The following GABBR2 variants were observed in gnomAD, a reference collection of about 807,000 sequenced individuals.
GABBR2 encodes the protein gamma-aminobutyric acid type B receptor subunit 2.
GABBR2 carries 23 observed loss-of-function variants against 105.6 expected under a neutral mutation model. That is an observed-to-expected ratio of 0.22 (90% CI 0.16 to 0.31). GABBR2 has a LOEUF of 0.31. Ranked by LOEUF, GABBR2 falls within the 10% of genes least tolerant of loss-of-function variation. The probability of loss-of-function intolerance (pLI) is 1.00; values close to 1 mark genes in which losing one functional copy is unlikely to be tolerated. For missense variants in GABBR2, 734 were observed against 1,245.5 expected (o/e 0.59, Z 6.18); for synonymous variants, 478 against 499.7 (o/e 0.96, Z 0.58).
intron 1 of GABBR2, among the ~76,000 whole-genome samples, chr9:98,676,256 C>G (rs902811129): frequency 2.6e-5 from 4 of 152,198 alleles, no homozygotes; most frequent in Non-Finnish European, 4.4e-5. Flanking sequence ...TTGAAAAAAG[C>G]AAGGAAATGA....
intron 11 of GABBR2, chr9:98,375,403 T>C (rs531944731): frequency 6.6e-6 from 1 of 152,310 alleles, no homozygotes; most frequent in South Asian, 2.1e-4. Context: ...GTTTCTGCTC[T>C]GCTGGTCACA....
At position 98,708,703 on chromosome 9, in the gene GABBR2, G is replaced by A. The variant is rs1830937754; in HGVS notation, c.35C>T (p.Pro12Leu). Reference sequence around the variant, plus strand: ...GGGCGGCGGTGGCGGCGGCGGCGGCGGCCCGGGCTGCCCGGAGCTCCGCGG... The same window carrying A: ...GGGCGGCGGTGGCGGCGGCGGCGGCAGCCCGGGCTGCCCGGAGCTCCGCGG... Reference protein sequence around the residue: ...ASPRSSGQPGPPPPPPPPPAR... With the variant: ...ASPRSSGQPGLPPPPPPPPAR... The change falls in exon 1 of 19, where the codon CCG becomes CTG. Residue 12 changes from proline (P) to leucine (L), a missense_variant. This residue lies in a region of GABBR2 where 70 missense variants were observed against 73.4 expected (regional missense o/e 0.95). Transcript: ENST00000259455. The A allele has an allele frequency of 3.0e-6, 3 of 1,008,630 alleles. No individual in the cohort carries two copies. The highest frequency in any genetic ancestry group is 3.5e-6 in the Non-Finnish European group (3 of 848,196). The allele number at this position is 1,008,630 out of a possible 1,614,324, so 62.5% of individuals were successfully genotyped here.
intron 11 of GABBR2, among the ~76,000 whole-genome samples, chr9:98,380,901 G>A (rs1221976128): frequency 6.6e-6 from 1 of 152,200 alleles, no homozygotes; most frequent in African/African-American, 2.4e-5. Context: ...TTCTCACTGT[G>A]TTAAGCTGCT....
intron 6 of GABBR2, among the ~76,000 whole-genome samples, chr9:98,459,999 T>A (rs1348926046): frequency 1.3e-5 from 2 of 152,114 alleles, no homozygotes; most frequent in Non-Finnish European, 2.9e-5. Context: ...AGGAAATAGG[T>A]CCAGATAATT....
chr9:98,304,596 T>G (rs1386517731), intron 15 of GABBR2, among the ~76,000 whole-genome samples: 1 of 152,140 alleles, frequency 6.6e-6, no homozygotes, highest in Non-Finnish European at 1.5e-5. Flanking sequence ...GGTATTCCAG[T>G]GCAGAGCTCA....
chr9:98,606,139 T>C (rs985254122), intron 1 of GABBR2, among the ~76,000 whole-genome samples: 8 of 152,260 alleles, frequency 5.3e-5, no homozygotes, highest in African/African-American at 1.9e-4. Flanking sequence ...TTCCATGGTG[T>C]ATATGTGCCA....
At chr9:98,634,801 C>T (rs184459632) in intron 1 of GABBR2, among the ~76,000 whole-genome samples, 276 of 152,282 alleles carry the variant, frequency 1.8e-3, no homozygotes, top group Non-Finnish European at 3.2e-3. Flanking sequence ...AACAACCTAA[C>T]GAGTGATCCT....
At chr9:98,552,360 AG>A (rs1828505288) in intron 2 of GABBR2, among the ~76,000 whole-genome samples, 1 of 152,164 alleles carries the variant, frequency 6.6e-6, no homozygotes, top group Non-Finnish European at 1.5e-5. Context: ...TAATTAAATG[AG>A]GGAGGTATTT....
At chr9:98,614,023 A>G (rs535517571) in intron 1 of GABBR2, among the ~76,000 whole-genome samples, 1 of 152,384 alleles carries the variant, frequency 6.6e-6, no homozygotes, top group South Asian at 2.1e-4. Flanking sequence ...TACAATTCTC[A>G]TCAGATTCAG....
chr9:98,631,990 C>G (rs532368215), intron 1 of GABBR2, among the ~76,000 whole-genome samples: 11 of 152,338 alleles, frequency 7.2e-5, no homozygotes, highest in Admixed American at 6.5e-4. Context: ...AGCAAATACT[C>G]AGCACTTTCA....
intron 1 of GABBR2, among the ~76,000 whole-genome samples, chr9:98,596,960 C>T (rs570404365): frequency 1.3e-5 from 2 of 152,230 alleles, no homozygotes; most frequent in South Asian, 2.1e-4. Context: ...GCGACTACCT[C>T]GAAGCTTTGC....
Position 98,596,591 on chromosome 9 carries a change from C to G in GABBR2, c.322-18519G>C, listed in dbSNP as rs571890068. Among the ~76,000 whole-genome samples the G allele has an allele frequency of 1.7e-3, 266 of 152,318 alleles. 1 individual carries two copies. Among genetic ancestry groups the G allele is most frequent in the Non-Finnish European group, 2.9e-3 (199 of 68,018 alleles). On this transcript the variant is annotated intron_variant, in intron 1 of 18. Transcript: ENST00000259455. ...TATAACAGCCTGGCCCAGCCCAGCC[C>G]TGCCATGGAAGGAGCCGGCGATGTG...
intron 18 of GABBR2, among the ~76,000 whole-genome samples, chr9:98,291,956 G>A (rs750065139): frequency 6.6e-6 from 1 of 152,220 alleles, no homozygotes; most frequent in Admixed American, 6.5e-5. Context: ...AGCACGTGAT[G>A]GAGGAGCAGC....
chr9:98,532,053 A>G lies in GABBR2; in HGVS notation c.630+9820T>C, dbSNP rs149127832. On this transcript the variant is annotated intron_variant, in intron 3 of 18. Transcript: ENST00000259455. ...TTAAACAGGGATTCCATCTTAAGCA[A>G]TAACATCCATGAAGTACAGTTTTGA... Among the ~76,000 whole-genome samples, 71 of 152,354 alleles carry G rather than the reference A, an allele frequency of 4.7e-4. No individual in the cohort carries two copies. In the East Asian group the frequency reaches 4.8e-3, roughly 10 times the overall value.
intron 7 of GABBR2, among the ~76,000 whole-genome samples, chr9:98,422,916 C>G (rs965892977): frequency 6.6e-6 from 1 of 152,068 alleles, no homozygotes; most frequent in Admixed American, 6.5e-5. Context: ...CCAATTTCAT[C>G]CATGTCCCTA....
At chr9:98,290,882 C>A in intron 18 of GABBR2, 133 bp from the exon 19 acceptor site, 1 of 509,230 alleles carries the variant, frequency 2.0e-6, no homozygotes, top group Non-Finnish European at 3.3e-6. Context: ...TCTGTCCATC[C>A]AATCATCTAA....
chr9:98,473,406 C>T (rs1484636148), intron 5 of GABBR2, 60 bp from the exon 6 acceptor site: 10 of 1,121,388 alleles, frequency 8.9e-6, no homozygotes, highest in South Asian at 2.5e-5. Context: ...GGCTCTGTGC[C>T]CTGGAAGACA....
At chr9:98,631,541 CAT>C (rs764333229) in intron 1 of GABBR2, among the ~76,000 whole-genome samples, 2 of 152,288 alleles carry the variant, frequency 1.3e-5, no homozygotes, top group African/African-American at 2.4e-5. Flanking sequence ...GATTTTAGCA[CAT>C]GTTAGCCATC....
chr9:98,455,571 A>G (rs1826311832), intron 6 of GABBR2, among the ~76,000 whole-genome samples: 1 of 152,128 alleles, frequency 6.6e-6, no homozygotes, highest in Non-Finnish European at 1.5e-5. Flanking sequence ...TGGTGGAGGG[A>G]GGGGGGGCGC....
Sources: allele counts gnomAD v4.1 joint callset (sites outside exome capture counted in the v4.1 genomes callset), GRCh38; gene constraint gnomAD v4.1.1; regional missense constraint gnomAD v4.1.1; transcripts MANE v1.5; gene names NCBI Gene and HGNC (gene_info 2026-07-23, HGNC 2026-07-21).